The following RADIL variants were observed in gnomAD, a reference collection of about 807,000 sequenced individuals.
RADIL encodes Rap associating with DIL domain, also known as ras-associating and dilute domain-containing protein.
Under a neutral mutation model 97.6 loss-of-function variants are expected in RADIL, and 99 were observed. The ratio of observed to expected loss-of-function variants is 1.01; its 90% CI spans 0.86 to 1.20. RADIL has a LOEUF of 1.20. Among genes scored for constraint, RADIL ranks in the 50% most tolerant of loss-of-function variants. The pLI is 0.00. For missense variants in RADIL, 1,765 were observed against 1,498.9 expected, an observed-to-expected ratio of 1.18 and a Z score of -2.93; for synonymous variants, 803 against 691.8, an observed-to-expected ratio of 1.16 and a Z score of -2.52.
chr7:4,849,095 G>C lies in RADIL; in HGVS notation c.536-12490C>G, dbSNP rs1031701229. Among the ~76,000 whole-genome samples the C allele has an allele frequency of 3.3e-5, 5 of 150,886 alleles. No homozygotes were observed. Among genetic ancestry groups the C allele is most frequent in the African/African-American group, 1.2e-4 (5 of 40,930 alleles). ...AGAGGTTGTGGTGAGCCGAGATCGT[G>C]CCATTGCACTCCAGCCTGGGCAACA... On this transcript the variant is annotated intron_variant, in intron 2 of 14. Transcript: ENST00000399583. This position sits in a 1 kb window ranked among gnomAD's most constrained non-coding sequence, Gnocchi z 5.4.
chr7:4,838,159 C>T (rs1182154824), intron 2 of RADIL: 3 of 693,610 alleles, frequency 4.3e-6, no homozygotes, highest in Non-Finnish European at 5.3e-6. Context: ...CCTGCAGAAC[C>T]CGGCCCAGCC....
chr7:4,820,388 C>T (rs530964355), intron 6 of RADIL, among the ~76,000 whole-genome samples: 4 of 152,332 alleles, frequency 2.6e-5, no homozygotes, highest in East Asian at 3.9e-4. Flanking sequence ...GACCCACAGT[C>T]GTTTACGTCA....
rs1047349432 is a variant in RADIL, at chr7:4,822,005, C to T, written c.1615+389G>A. Among the ~76,000 whole-genome samples, 4 of 152,150 alleles carry T rather than the reference C, an allele frequency of 2.6e-5. No homozygotes were observed. The highest frequency in any genetic ancestry group is 3.8e-4 in the East Asian group (2 of 5,200). ...GAACGGGCGGCGGTCTCATGGCCGA[C>T]GCTCTCTCTACCGCCCCTTACATTT... On this transcript the variant is annotated intron_variant, in intron 6 of 14. Coordinates refer to ENST00000399583, the MANE Select transcript of RADIL (RefSeq NM_018059.5). This position sits in a 1 kb window ranked among gnomAD's most constrained non-coding sequence, Gnocchi z 5.3.
rs1782776732 is a variant in RADIL, at chr7:4,819,682, C to G, written c.1616-2331G>C. ...CACGTGACCCACCCTCGGGACGCGA[C>G]AGCCCTGCTCTCCGAATTCTTCCCA... is the stretch of plus-strand genomic sequence containing the variant. On this transcript the variant is annotated intron_variant, in intron 6 of 14. Coordinates refer to ENST00000399583, the MANE Select transcript of RADIL (RefSeq NM_018059.5). The surrounding 1 kb of genome is among the most constrained non-coding windows in gnomAD (Gnocchi z 5.8). Among the ~76,000 whole-genome samples, 1 of 152,326 alleles carries G rather than the reference C, an allele frequency of 6.6e-6. No individual in the cohort carries two copies. Among genetic ancestry groups the G allele is most frequent in the East Asian group, 1.9e-4 (1 of 5,172 alleles).
chr7:4,827,659 G>C (rs147491032), intron 5 of RADIL, among the ~76,000 whole-genome samples: 1 of 152,000 alleles, frequency 6.6e-6, no homozygotes, highest in Non-Finnish European at 1.5e-5. Flanking sequence ...AGTCTCCATC[G>C]CAAAAACGAA....
At chr7:4,855,834 C>T (rs1231047277) in intron 2 of RADIL, among the ~76,000 whole-genome samples, 1 of 151,934 alleles carries the variant, frequency 6.6e-6, no homozygotes, top group Non-Finnish European at 1.5e-5. Flanking sequence ...CTTGCTCTGT[C>T]GCTCAGGTTG....
rs1044812203 is a variant in RADIL at position 4,883,708 on chromosome 7, G to T, written c.-177C>A. 6.6e-6 allele frequency: 1 copy of T among 151,952 alleles called. No individual in the cohort carries two copies. The highest frequency in any genetic ancestry group is 6.6e-5 in the Admixed American group (1 of 15,250). 9.4% of individuals were successfully genotyped at this position (151,952 alleles called of 1,614,324 possible). ...CGGCGCCTCCTGCCGGCGGCGCAAC[G>T]GGCGGGGCGGGGCCTCAAGGGGACG... On this transcript the variant is annotated 5_prime_UTR_variant, in exon 1 of 15. Coordinates refer to ENST00000399583, the MANE Select transcript of RADIL (RefSeq NM_018059.5). This position sits in a 1 kb window ranked among gnomAD's most constrained non-coding sequence, Gnocchi z 7.1.
chr7:4,799,579 C>T, intron 14 of RADIL, 51 bp downstream of exon 14: 2 of 1,607,794 alleles, frequency 1.2e-6, no homozygotes, highest in Non-Finnish European at 1.7e-6. Context: ...GTCCACTCCC[C>T]TGAGCAGGGC....
rs996467973 is a variant in RADIL, at chr7:4,862,091, G to A, written c.535+15514C>T. On this transcript the variant is annotated intron_variant, in intron 2 of 14. Transcript: ENST00000399583. ...AGCGCGAGGGCTCACGGGAGCCACA[G>A]CGTTCTGGGCTGGGGCTCCTACCGC... The A allele has an allele frequency of 5.0e-5, 18 of 358,464 alleles. No individual in the cohort carries two copies. The East Asian group carries it at 7.1e-4, about 14-fold the overall frequency. The allele number at this position is 358,464 out of a possible 1,614,324, so 22.2% of individuals were successfully genotyped here.
rs1392953173 is a variant in RADIL, at chr7:4,799,192, C to T, written c.*186G>A. ...CTCTGTAACAAACATCACAATTTCA[C>T]GTCATCTGCCATATAAATAGAACCT... On this transcript the variant is annotated 3_prime_UTR_variant, in exon 15 of 15. Coordinates refer to ENST00000399583, the MANE Select transcript of RADIL (RefSeq NM_018059.5). 12 of 592,686 alleles carry T rather than the reference C, an allele frequency of 2.0e-5. No homozygotes were observed. The highest frequency in any genetic ancestry group is 4.0e-5 in the South Asian group (2 of 49,860). The allele number at this position is 592,686 out of a possible 1,614,324, so 36.7% of individuals were successfully genotyped here. A position where few individuals can be genotyped will look rare whatever the true frequency, so the allele number is the denominator to read the frequency against.
chr7:4,844,026 T>C lies in RADIL; in HGVS notation c.536-7421A>G, dbSNP rs528453043. On this transcript the variant is annotated intron_variant, in intron 2 of 14. Transcript: ENST00000399583. Reference sequence around the variant, plus strand: ...GGGAAACAATTCTAGGGAGAATATATACGTAACTTCCTCTTGCCATCAGGA... The same window carrying C: ...GGGAAACAATTCTAGGGAGAATATACACGTAACTTCCTCTTGCCATCAGGA... Among the ~76,000 whole-genome samples the C allele has an allele frequency of 1.3e-4, 19 of 151,622 alleles. No homozygotes were observed. The South Asian group carries it at 2.9e-3, about 23-fold the overall frequency.
intron 2 of RADIL, among the ~76,000 whole-genome samples, chr7:4,864,696 A>G (rs112284764): frequency 2.0e-5 from 3 of 152,172 alleles, no homozygotes; most frequent in African/African-American, 7.2e-5. Context: ...TCAACATCCA[A>G]TTCATTTACA....
intron 9 of RADIL, chr7:4,808,940 C>T: frequency 1.1e-6 from 1 of 912,108 alleles, no homozygotes; most frequent in African/African-American, 2.5e-5. Flanking sequence ...ACGCCACTGC[C>T]CCTCCACGTC....
At chr7:4,827,484 A>AC (rs1458397042) in intron 5 of RADIL, among the ~76,000 whole-genome samples, 3 of 150,718 alleles carry the variant, frequency 2.0e-5, no homozygotes, top group Admixed American at 1.3e-4. Flanking sequence ...ACACAGTGAA[A>AC]CCCCGTCTCT....
rs1380675373 is a variant in RADIL at position 4,801,826 on chromosome 7, G to T, written c.2669C>A (p.Ser890Tyr). The stretch of plus-strand genomic sequence containing the variant: ...GTCCGTGTGCGGGGGGCCAGCCTGG[G>T]AGCCCCCACGGCTGGGTTGCCTTCC... ...PPGRQPSRGG[S>Y]QAGPPHTDSS... Residue 890 changes from serine (S) to tyrosine (Y), a missense_variant, in exon 12 of 15, where the codon TCC becomes TAC. By Grantham distance (144) the Ser-to-Tyr change is moderately radical. Coordinates refer to ENST00000399583, the MANE Select transcript of RADIL (RefSeq NM_018059.5). 5 of 1,606,220 alleles carry T rather than the reference G, an allele frequency of 3.1e-6. No homozygotes were observed. The highest frequency in any genetic ancestry group is 1.3e-5 in the African/African-American group (1 of 74,804).
chr7:4,806,597 C>T (rs1782317442), intron 9 of RADIL, among the ~76,000 whole-genome samples: 1 of 152,248 alleles, frequency 6.6e-6, no homozygotes, highest in Non-Finnish European at 1.5e-5. Flanking sequence ...CATCATCCTT[C>T]TGGGGTTCCT....
chr7:4,830,115 TGTGA>T (rs957172764), intron 5 of RADIL, among the ~76,000 whole-genome samples: 6 of 152,214 alleles, frequency 3.9e-5, no homozygotes, highest in South Asian at 4.1e-4. Flanking sequence ...ATGGCTTGGC[TGTGA>T]GTATCATACG....
intron 2 of RADIL, among the ~76,000 whole-genome samples, chr7:4,838,328 CCCT>C (rs1185710792): frequency 6.6e-6 from 1 of 152,192 alleles, no homozygotes; most frequent in East Asian, 1.9e-4. Flanking sequence ...GATGCTCCGG[CCCT>C]CAACTTTCTC....
intron 2 of RADIL, chr7:4,860,101 T>C: frequency 6.2e-7 from 1 of 1,614,038 alleles, no homozygotes; most frequent in Non-Finnish European, 8.5e-7. Context: ...CAGTAGCCTG[T>C]ATGTTAGCCA....
Sources: gnomAD v4.1 joint callset for allele counts (sites outside exome capture counted in the v4.1 genomes callset) on GRCh38, gnomAD v4.1.1 for gene constraint, Gnocchi (gnomAD v3.1) non-coding constraint, MANE v1.5 for transcripts, NCBI Gene and HGNC (gene_info 2026-07-23, HGNC 2026-07-21) for gene names.